Variants in FMNL3 observed in about 807,000 individuals in gnomAD.
FMNL3 encodes the protein formin like 3.
FMNL3 carries 57 observed loss-of-function variants against 119.6 expected under a neutral mutation model. The ratio of observed to expected loss-of-function variants is 0.48; its 90% CI spans 0.39 to 0.59. The LOEUF is 0.59. Among genes scored for constraint, FMNL3 ranks in the 20% least tolerant of loss-of-function variants. FMNL3 has a pLI of 0.00. For missense variants in FMNL3, 1,053 were observed against 1,323.5 expected (o/e 0.80, Z 3.17); for synonymous variants, 491 against 507.3 (o/e 0.97, Z 0.43).
At position 49,640,114 on chromosome 12, in the gene FMNL3, C is replaced by T. The variant is rs1287040418; in HGVS notation, c.*5701G>A. 6.6e-6 allele frequency: 1 copy of T among 152,236 alleles called. No homozygotes were observed. Among genetic ancestry groups the T allele is most frequent in the Non-Finnish European group, 1.5e-5 (1 of 68,044 alleles). The allele number at this position is 152,236 out of a possible 1,614,324, so 9.4% of individuals were successfully genotyped here. ...ATGGAGGGCAGATGAGCCCAGGAGT[C>T]CCTCTTGCTTTCCACAGCCAGGCAG... On this transcript the variant is annotated 3_prime_UTR_variant, in exon 26 of 26. Coordinates refer to ENST00000335154, the MANE Select transcript of FMNL3 (RefSeq NM_175736.5).
At chr12:49,664,933 C>G (rs553412490) in intron 4 of FMNL3, among the ~76,000 whole-genome samples, 2 of 152,200 alleles carry the variant, frequency 1.3e-5, no homozygotes, top group South Asian at 4.1e-4. Context: ...ACCCCACCCC[C>G]ACCTGGGCCT....
rs777775999 is a variant in FMNL3 at position 49,682,997 on chromosome 12, C to T, written c.127-14443G>A. On this transcript the variant is annotated intron_variant, in intron 1 of 25. Transcript: ENST00000335154. ...TTTGCCAGGTTATCTCTAGTGTTCC[C>T]GCCTCATCTCAGATTCCTCACTTCC... Among the ~76,000 whole-genome samples, 6 of 152,218 alleles carry T rather than the reference C, an allele frequency of 3.9e-5. No homozygotes were observed. In the South Asian group the frequency reaches 6.2e-4, roughly 16 times the overall value.
chr12:49,657,681 C>T (rs966769652), intron 6 of FMNL3, among the ~76,000 whole-genome samples: 20 of 152,320 alleles, frequency 1.3e-4, no homozygotes, highest in African/African-American at 4.1e-4. Flanking sequence ...CACCCCTCCA[C>T]CCTCTCAGTG....
At chr12:49,701,136 T>C (rs1458720245) in intron 1 of FMNL3, among the ~76,000 whole-genome samples, 2 of 139,514 alleles carry the variant, frequency 1.4e-5, no homozygotes, top group African/African-American at 2.6e-5. Context: ...AATGAGAAAA[T>C]GCTTAAAATA....
chr12:49,706,952 G>T lies in FMNL3; in HGVS notation c.126+103C>A. On this transcript the variant is annotated intron_variant, in intron 1 of 25. Coordinates refer to ENST00000335154, the MANE Select transcript of FMNL3 (RefSeq NM_175736.5). ...GAGGCCGGGATCCGTTCGGGACCCC[G>T]ACTGAAAGGGTGGGCGGGACGGGGG... 3.7e-6 allele frequency: 5 copies of T among 1,339,706 alleles called. No individual in the cohort carries two copies. In the South Asian group the frequency reaches 6.9e-5, roughly 18 times the overall value. 83.0% of individuals were successfully genotyped at this position (1,339,706 alleles called of 1,614,324 possible).
chr12:49,702,753 T>C (rs1944943381), intron 1 of FMNL3, among the ~76,000 whole-genome samples: 1 of 152,040 alleles, frequency 6.6e-6, no homozygotes, highest in South Asian at 2.1e-4. Flanking sequence ...AAGAAGAAGG[T>C]TCCTCTGACC....
At position 49,645,810 on chromosome 12, in the gene FMNL3, G is replaced by T; in HGVS notation, c.*5C>A. 3.8e-6 allele frequency: 6 copies of T among 1,597,500 alleles called. No individual in the cohort carries two copies. The highest frequency in any genetic ancestry group is 4.3e-6 in the Non-Finnish European group (5 of 1,174,864). On this transcript the variant is annotated 3_prime_UTR_variant, in exon 26 of 26. Coordinates refer to ENST00000335154, the MANE Select transcript of FMNL3 (RefSeq NM_175736.5). ...GGGTGAAGTGCTTCTGCCTCCGAGA[G>T]GGTCTCAGTGGGGGCCTGGAGCCCG... is the stretch of plus-strand genomic sequence containing the variant.
At chr12:49,665,530 G>A (rs374367262) in intron 4 of FMNL3, among the ~76,000 whole-genome samples, 198 of 152,340 alleles carry the variant, frequency 1.3e-3, no homozygotes, top group South Asian at 0.011. Context: ...CCAGGCCACA[G>A]GCAGACTCCA....
intron 4 of FMNL3, among the ~76,000 whole-genome samples, chr12:49,664,468 A>G (rs116414402): frequency 0.014 from 2,129 of 152,230 alleles, 47 homozygotes; most frequent in African/African-American, 0.048. Flanking sequence ...CTATGGAGGA[A>G]TGCGGAGTGG....
intron 11 of FMNL3, 50 bp from the exon 12 acceptor site, chr12:49,653,924 CA>C (rs1403288018): frequency 1.3e-6 from 2 of 1,598,878 alleles, no homozygotes; most frequent in African/African-American, 2.7e-5. Flanking sequence ...GGCAGATCAT[CA>C]GGGGAACTTT....
intron 21 of FMNL3, among the ~76,000 whole-genome samples, 157 bp downstream of exon 21, chr12:49,648,872 C>T (rs1565865353): frequency 6.6e-6 from 1 of 152,166 alleles, no homozygotes; most frequent in Non-Finnish European, 1.5e-5. Flanking sequence ...CTGGAGTGGC[C>T]CCTGCTTAAG....
In FMNL3 at chr12:49,641,707, A is replaced by C; in HGVS notation, c.*4108T>G. 3.4e-6 allele frequency: 2 copies of C among 583,776 alleles called. No individual in the cohort carries two copies. The highest frequency in any genetic ancestry group is 6.1e-6 in the Non-Finnish European group (2 of 327,670). The allele number at this position is 583,776 out of a possible 1,614,324, so 36.2% of individuals were successfully genotyped here. Reference sequence around the variant, plus strand: ...CCCAACCCCTTCAGCTCTGTGTGACATCCAAACCAAGGGTAGGCATGGGGG... The same window carrying C: ...CCCAACCCCTTCAGCTCTGTGTGACCTCCAAACCAAGGGTAGGCATGGGGG... On this transcript the variant is annotated 3_prime_UTR_variant, in exon 26 of 26. Transcript: ENST00000335154.
intron 1 of FMNL3, among the ~76,000 whole-genome samples, chr12:49,682,872 T>A (rs1944371899): frequency 1.3e-5 from 2 of 152,136 alleles, no homozygotes; most frequent in South Asian, 4.1e-4. Context: ...TGAAGTCGAC[T>A]CACTAAGCTG....
chr12:49,687,062 A>G (rs1016613169), intron 1 of FMNL3, among the ~76,000 whole-genome samples: 4 of 151,016 alleles, frequency 2.6e-5, no homozygotes, highest in Non-Finnish European at 4.4e-5. Context: ...CTGCCTGATA[A>G]TCTTATCATC....
In FMNL3 at chr12:49,700,087, T is replaced by C. The variant is rs911367732; in HGVS notation, c.126+6968A>G. ...CACAGGATGTTCAACACAGTGTTATTTGTAACAGCAAAAAAAAGATTTTAG... is the reference window on the plus strand; with the variant it reads ...CACAGGATGTTCAACACAGTGTTATCTGTAACAGCAAAAAAAAGATTTTAG... On this transcript the variant is annotated intron_variant, in intron 1 of 25. Coordinates refer to ENST00000335154, the MANE Select transcript of FMNL3 (RefSeq NM_175736.5). Among the ~76,000 whole-genome samples the C allele has an allele frequency of 2.6e-5, 4 of 152,200 alleles. No homozygotes were observed. The South Asian group carries it at 8.3e-4, about 31-fold the overall frequency.
Position 49,651,874 on chromosome 12 carries a change from C to T in FMNL3, c.1603+59G>A, listed in dbSNP as rs1943413083. ...TCCCTGAGGAAGACACTGCTGACTA[C>T]AGTTTTGGTCCCCACAAAGAGGCTG... On this transcript the variant is annotated intron_variant, in intron 14 of 25. Transcript: ENST00000335154. The T allele has an allele frequency of 6.7e-6, 10 of 1,483,614 alleles. No individual in the cohort carries two copies. In the East Asian group the frequency reaches 2.4e-4, roughly 36 times the overall value. 91.9% of individuals were successfully genotyped at this position (1,483,614 alleles called of 1,614,324 possible).
chr12:49,669,168 G>A (rs1355285744), intron 1 of FMNL3, among the ~76,000 whole-genome samples: 1 of 152,160 alleles, frequency 6.6e-6, no homozygotes, highest in Non-Finnish European at 1.5e-5. Flanking sequence ...GAAGATAACT[G>A]CTTAAATTTT....
Position 49,707,103 on chromosome 12 carries a change from C to A in FMNL3, c.78G>T (p.Met26Ile), listed in dbSNP as rs187558316. 966 of 1,602,406 alleles carry A rather than the reference C, an allele frequency of 6.0e-4. 9 individuals carry two copies. In the Admixed American group the frequency reaches 0.016, roughly 26 times the overall value. Residue 26 changes from methionine to isoleucine, a missense_variant, in exon 1 of 26, where the codon ATG (methionine) becomes ATT (isoleucine). By Grantham distance (10) the Met-to-Ile change is conservative. This residue lies in a region of FMNL3 where 264 missense variants were observed against 265.5 expected (regional missense o/e 0.99). Coordinates refer to ENST00000335154, the MANE Select transcript of FMNL3 (RefSeq NM_175736.5). ...CCAGCTCACAGGGCTCAGGCATCGGCATCTTGCCGGGCGGCAGCAACAACG... is the reference window on the plus strand; with the variant it reads ...CCAGCTCACAGGGCTCAGGCATCGGAATCTTGCCGGGCGGCAGCAACAACG... ...SVPLLLPPGKMPMPEPCELEE... is the reference protein window; with the variant it reads ...SVPLLLPPGKIPMPEPCELEE...
intron 1 of FMNL3, among the ~76,000 whole-genome samples, chr12:49,690,199 A>G (rs1295427051): frequency 2.0e-5 from 3 of 152,218 alleles, no homozygotes; most frequent in Non-Finnish European, 4.4e-5. Context: ...TTAAGTACAT[A>G]CACATTTTGT....
Sources: allele counts gnomAD v4.1 joint callset (sites outside exome capture counted in the v4.1 genomes callset), GRCh38; gene constraint gnomAD v4.1.1; regional missense constraint gnomAD v4.1.1; transcripts MANE v1.5; gene names NCBI Gene and HGNC (gene_info 2026-07-23, HGNC 2026-07-21).